The following FHIT variants were observed in gnomAD, a reference collection of about 807,000 sequenced individuals.
FHIT encodes fragile histidine triad diadenosine triphosphatase, also known as bis(5'-adenosyl)-triphosphatase.
A neutral mutation model predicts 17.9 loss-of-function variants in FHIT; 19 were observed. That is an observed-to-expected ratio of 1.06 (90% CI 0.74 to 1.56). The LOEUF (loss-of-function observed/expected upper bound fraction) is 1.56, where lower values mean the gene tolerates loss of function less well. FHIT is among the 40% of genes most tolerant of loss of function. FHIT has a pLI of 0.00. For missense variants in FHIT, 248 were observed against 189.2 expected (o/e 1.31, Z -1.82); for synonymous variants, 81 against 69.7 (o/e 1.16, Z -0.81).
intron 4 of FHIT, among the ~76,000 whole-genome samples, chr3:60,627,488 G>A (rs1357918927): frequency 6.6e-6 from 1 of 151,922 alleles, no homozygotes; most frequent in African/African-American, 2.4e-5. Context: ...TTTTCTTTCT[G>A]CAAGGTGAGT....
At position 60,282,305 on chromosome 3, in the gene FHIT, T is replaced by C. The variant is rs1415561400; in HGVS notation, c.103+254555A>G. ...AAATCCATACGACAGAATACTAGTC[T>C]ACAATTTTTTCTTTAAAAGAACTCT... On this transcript the variant is annotated intron_variant, in intron 5 of 9. Coordinates refer to ENST00000492590, the MANE Select transcript of FHIT (RefSeq NM_002012.4). Among the ~76,000 whole-genome samples, 8 of 152,160 alleles carry C rather than the reference T, an allele frequency of 5.3e-5. No individual in the cohort carries two copies. The East Asian group carries it at 9.6e-4, about 18-fold the overall frequency.
intron 4 of FHIT, among the ~76,000 whole-genome samples, chr3:60,776,900 A>T (rs944812370): frequency 1.3e-5 from 2 of 152,188 alleles, no homozygotes; most frequent in African/African-American, 4.8e-5. Context: ...GAATTGTGGA[A>T]ATTAATCTTG....
intron 4 of FHIT, among the ~76,000 whole-genome samples, chr3:60,748,961 C>T (rs771348178): frequency 3.3e-5 from 5 of 151,924 alleles, no homozygotes; most frequent in Admixed American, 6.6e-5. Context: ...TTCTTTTTTT[C>T]AAATAGTTTT....
chr3:60,903,779 A>G (rs1680937739), intron 3 of FHIT, among the ~76,000 whole-genome samples: 1 of 152,218 alleles, frequency 6.6e-6, no homozygotes, highest in African/African-American at 2.4e-5. Flanking sequence ...CAAGGAAAAA[A>G]TGATTGTACA....
intron 4 of FHIT, among the ~76,000 whole-genome samples, chr3:60,768,199 G>A (rs1699916441): frequency 6.6e-6 from 1 of 152,144 alleles, no homozygotes; most frequent in Non-Finnish European, 1.5e-5. Flanking sequence ...ACACTGCCTG[G>A]AAAAATAGTT....
intron 8 of FHIT, among the ~76,000 whole-genome samples, chr3:59,770,014 G>C (rs1391486949): frequency 6.6e-6 from 1 of 151,980 alleles, no homozygotes; most frequent in Admixed American, 6.5e-5. Context: ...TTTCAATTTG[G>C]GTTGATGAAA....
At chr3:60,731,302 A>G (rs897489166) in intron 4 of FHIT, among the ~76,000 whole-genome samples, 5 of 152,208 alleles carry the variant, frequency 3.3e-5, no homozygotes, top group African/African-American at 1.2e-4. Flanking sequence ...ACCAAGGGGC[A>G]TAAGGCAGAA....
chr3:61,063,664 C>T (rs1205757657), intron 2 of FHIT, among the ~76,000 whole-genome samples: 2 of 152,104 alleles, frequency 1.3e-5, no homozygotes, highest in Non-Finnish European at 2.9e-5. Flanking sequence ...CGTTAACATA[C>T]ATGAGTAAAG....
chr3:60,179,981 G>C (rs1213717206), intron 5 of FHIT, among the ~76,000 whole-genome samples: 2 of 152,090 alleles, frequency 1.3e-5, no homozygotes, highest in African/African-American at 4.8e-5. Context: ...CCCAACCTTG[G>C]AGGCAATCCT....
intron 4 of FHIT, among the ~76,000 whole-genome samples, chr3:60,694,259 C>T (rs964573617): frequency 1.3e-5 from 2 of 151,512 alleles, no homozygotes; most frequent in South Asian, 4.2e-4. Context: ...ACCCGATGCT[C>T]TCTTTGCATT....
chr3:61,091,264 C>T (rs899726382), intron 2 of FHIT, among the ~76,000 whole-genome samples: 3 of 152,082 alleles, frequency 2.0e-5, no homozygotes, highest in Non-Finnish European at 1.5e-5. Context: ...GTACATCCTC[C>T]CTACATGCCA....
intron 2 of FHIT, among the ~76,000 whole-genome samples, chr3:61,127,797 G>A (rs2036653355): frequency 6.6e-6 from 1 of 152,050 alleles, no homozygotes; most frequent in East Asian, 1.9e-4. Flanking sequence ...TTGAAACCAG[G>A]AGGCGGAGAC....
chr3:60,090,924 G>A (rs1008350963), intron 5 of FHIT, among the ~76,000 whole-genome samples: 1 of 152,198 alleles, frequency 6.6e-6, no homozygotes, highest in African/African-American at 2.4e-5. Context: ...GCAAGTTGAA[G>A]CAGGTAAGAA....
At chr3:59,975,331 C>T (rs913689066) in intron 7 of FHIT, among the ~76,000 whole-genome samples, 5 of 152,064 alleles carry the variant, frequency 3.3e-5, no homozygotes, top group African/African-American at 1.2e-4. Context: ...CTCTTAAACT[C>T]TCTGTGTCCC....
At chr3:60,581,848 T>C (rs1411937243) in intron 4 of FHIT, among the ~76,000 whole-genome samples, 2 of 152,052 alleles carry the variant, frequency 1.3e-5, no homozygotes, top group African/African-American at 4.8e-5. Context: ...CATACTCTTT[T>C]ACTACCTAAA....
chr3:61,128,329 C>T (rs555126906), intron 2 of FHIT, among the ~76,000 whole-genome samples: 114 of 152,244 alleles, frequency 7.5e-4, no homozygotes, highest in Non-Finnish European at 1.5e-3. Flanking sequence ...TTAACATCCC[C>T]GATCCTCTAT....
At chr3:59,982,257 GTTGT>G (rs150776203) in intron 7 of FHIT, among the ~76,000 whole-genome samples, 11,560 of 152,156 alleles carry the variant, frequency 0.076, 498 homozygotes, top group African/African-American at 0.1. Context: ...CCTGAAGATG[GTTGT>G]TTAAGTGGAA....
At chr3:60,243,681 G>A (rs1043297695) in intron 5 of FHIT, among the ~76,000 whole-genome samples, 13 of 152,110 alleles carry the variant, frequency 8.5e-5, no homozygotes, top group South Asian at 2.1e-4. Flanking sequence ...ACCTACAACC[G>A]TGAGGAATGA....
At chr3:59,802,822 G>C (rs963772147) in intron 8 of FHIT, among the ~76,000 whole-genome samples, 1 of 152,222 alleles carries the variant, frequency 6.6e-6, no homozygotes, top group Non-Finnish European at 1.5e-5. Context: ...TAATCCTAGG[G>C]AGAGAGAATG....
Sources: gnomAD v4.1 joint callset for allele counts (sites outside exome capture counted in the v4.1 genomes callset) on GRCh38, gnomAD v4.1.1 for gene constraint, MANE v1.5 for transcripts, NCBI Gene and HGNC (gene_info 2026-07-23, HGNC 2026-07-21) for gene names.